MAP4K5: variants seen among roughly 807,000 people sequenced by gnomAD.
MAP4K5 encodes the protein MAPK/ERK kinase kinase kinase 5.
A neutral mutation model predicts 135.6 loss-of-function variants in MAP4K5; 82 were observed. The observed-to-expected ratio is 0.60, with a 90% CI of 0.51 to 0.73. The LOEUF is 0.73. Among genes scored for constraint, MAP4K5 ranks in the 30% least tolerant of loss-of-function variants. The pLI, the probability that MAP4K5 is intolerant of heterozygous loss-of-function variation, is 0.00. For synonymous variants in MAP4K5, 347 were observed against 335.0 expected (o/e 1.04, Z -0.39); for missense variants, 907 against 1,010.9 (o/e 0.90, Z 1.39).
intron 4 of MAP4K5, chr14:50,485,890 TAA>T: frequency 1.9e-6 from 1 of 533,528 alleles, no homozygotes; most frequent in East Asian, 3.2e-5. Context: ...TATGTTTCAT[TAA>T]AATTGCCAGA....
chr14:50,518,409 A>C (rs2038078292), intron 2 of MAP4K5, among the ~76,000 whole-genome samples: 1 of 152,070 alleles, frequency 6.6e-6, no homozygotes, highest in Non-Finnish European at 1.5e-5. Flanking sequence ...CCCACCACCA[A>C]CAAGCCCTAG....
upstream of MAP4K5, among the ~76,000 whole-genome samples, chr14:50,537,431 G>A (rs2038508469): frequency 6.6e-6 from 1 of 152,224 alleles, no homozygotes; most frequent in Non-Finnish European, 1.5e-5. Context: ...AGGGAAATGT[G>A]GGGTCAGAGC....
At chr14:50,548,361 A>C (rs1297239215) in intron 1 of MAP4K5, among the ~76,000 whole-genome samples, 4 of 152,146 alleles carry the variant, frequency 2.6e-5, no homozygotes, top group African/African-American at 9.7e-5. Context: ...TGAGAAAGCA[A>C]AAATATTGGT....
intron 1 of MAP4K5, among the ~76,000 whole-genome samples, chr14:50,551,312 C>T (rs2038699156): frequency 6.7e-6 from 1 of 150,150 alleles, no homozygotes; most frequent in South Asian, 2.1e-4. Flanking sequence ...GTACAACCCT[C>T]CTGATTAAAT....
At chr14:50,458,243 A>G (rs1292381069) in intron 13 of MAP4K5, among the ~76,000 whole-genome samples, 1 of 152,156 alleles carries the variant, frequency 6.6e-6, no homozygotes, top group Non-Finnish European at 1.5e-5. Flanking sequence ...CTAATGGAAG[A>G]GCAGTGTTGC....
chr14:50,437,045 G>A (rs1189745121), intron 26 of MAP4K5, among the ~76,000 whole-genome samples: 14 of 152,050 alleles, frequency 9.2e-5, no homozygotes, highest in African/African-American at 3.1e-4. Flanking sequence ...TTTTATTCTG[G>A]GGGTAGTTTT....
At chr14:50,468,574 T>C in intron 10 of MAP4K5, 77 bp downstream of exon 10, 1 of 1,404,152 alleles carries the variant, frequency 7.1e-7, no homozygotes, top group Non-Finnish European at 9.9e-7. Context: ...AAAAATGAGC[T>C]TGATGCTGAG....
Position 50,447,405 on chromosome 14 carries a change from A to T in MAP4K5, c.1142+9T>A, listed in dbSNP as rs1157024043. On this transcript the variant is annotated intron_variant, in intron 16 of 32. Coordinates refer to ENST00000682126, the MANE Select transcript of MAP4K5 (RefSeq NM_006575.6). ...TAAAATATAGTTATTAAATTAGAAA[A>T]CAACTTACTTGCCAGTATTTGCACC... is the stretch of plus-strand genomic sequence containing the variant. 13 of 1,517,584 alleles carry T rather than the reference A, an allele frequency of 8.6e-6. No individual in the cohort carries two copies. Among genetic ancestry groups the T allele is most frequent in the Non-Finnish European group, 1.2e-5 (13 of 1,122,638 alleles). The allele number at this position is 1,517,584 out of a possible 1,614,324, so 94.0% of individuals were successfully genotyped here.
At position 50,490,159 on chromosome 14, in the gene MAP4K5, G is replaced by GTGTGTGTA. The variant is rs71441284; in HGVS notation, c.167-3966_167-3965insTACACACA. On this transcript the variant is annotated intron_variant, in intron 3 of 32. Coordinates refer to ENST00000682126, the MANE Select transcript of MAP4K5 (RefSeq NM_006575.6). Reference sequence around the variant, plus strand: ...TGTGTGTGTGTGTGTGTGTGTGTGTGTAAGGGAACTCAGCCTGATACTCTT... The same window carrying GTGTGTGTA: ...TGTGTGTGTGTGTGTGTGTGTGTGTGTGTGTGTATAAGGGAACTCAGCCTGATACTCTT... Among the ~76,000 whole-genome samples the GTGTGTGTA allele has an allele frequency of 1.3e-3, 186 of 138,000 alleles. 2 individuals carry two copies. The highest frequency in any genetic ancestry group is 3.7e-3 in the East Asian group (17 of 4,534). 90.5% of individuals were successfully genotyped at this position (138,000 alleles called of 152,430 possible). A position where few individuals can be genotyped will look rare whatever the true frequency, so the allele number is the denominator to read the frequency against.
At chr14:50,523,318 A>C in intron 2 of MAP4K5, among the ~76,000 whole-genome samples, 1 of 152,178 alleles carries the variant, frequency 6.6e-6, no homozygotes, top group East Asian at 1.9e-4. Flanking sequence ...TCTCAAAAAA[A>C]AAAATCATAA....
chr14:50,472,073 T>C, intron 9 of MAP4K5: 1 of 150,978 alleles, frequency 6.6e-6, no homozygotes, highest in Non-Finnish European at 1.5e-5. Context: ...ACTTTATGAA[T>C]GTGAAAAATG....
chr14:50,466,381 C>CA (rs1194669006), intron 11 of MAP4K5, among the ~76,000 whole-genome samples: 15,753 of 53,328 alleles, frequency 0.3, 1,881 homozygotes, highest in South Asian at 0.36. Flanking sequence ...AATCCTGTCT[C>CA]AAAAAAAAAA....
intron 1 of MAP4K5, among the ~76,000 whole-genome samples, chr14:50,545,938 G>C (rs930657120): frequency 6.6e-6 from 1 of 152,162 alleles, no homozygotes; most frequent in Non-Finnish European, 1.5e-5. Flanking sequence ...TAGTTCATCA[G>C]ATCTTCTGAA....
intron 2 of MAP4K5, among the ~76,000 whole-genome samples, chr14:50,511,691 T>C (rs1032098428): frequency 2.0e-5 from 3 of 152,110 alleles, no homozygotes; most frequent in Middle Eastern, 3.2e-3. Context: ...TGTACAACTG[T>C]CAATTTTTTT....
intron 2 of MAP4K5, among the ~76,000 whole-genome samples, chr14:50,520,614 C>T (rs2038129320): frequency 6.6e-6 from 1 of 152,104 alleles, no homozygotes; most frequent in South Asian, 2.1e-4. Flanking sequence ...ATTCTATCTG[C>T]CTGAAATCAT....
rs1447827044 is a variant in MAP4K5, at chr14:50,437,519, T to C, written c.1839A>G (p.Thr613=). The C allele has an allele frequency of 6.2e-7, 1 of 1,601,546 alleles. No individual in the cohort carries two copies. The highest frequency in any genetic ancestry group is 1.3e-5 in the African/African-American group (1 of 74,494). ...DRILPRKFAL[T]TKIPDTKGCH... is the part of the protein sequence containing the mutation. ...AGCCTTTTGTATCAGGAATCTTTGT[T>C]GTTAAAGCGAATTTTCTGAAAACGT... The change falls in exon 26 of 33, where the codon ACA becomes ACG. Residue 613 remains threonine (T), a synonymous_variant. Coordinates refer to ENST00000682126, the MANE Select transcript of MAP4K5 (RefSeq NM_006575.6).
chr14:50,492,409 T>C (rs1057454607), intron 3 of MAP4K5, among the ~76,000 whole-genome samples: 5 of 151,748 alleles, frequency 3.3e-5, no homozygotes, highest in East Asian at 3.9e-4. Context: ...CTGGGCAACA[T>C]AGCAAGACTC....
chr14:50,509,262 T>A (rs1251913496), intron 2 of MAP4K5, among the ~76,000 whole-genome samples: 1 of 152,064 alleles, frequency 6.6e-6, no homozygotes, highest in Admixed American at 6.6e-5. Context: ...GGGATAGCAT[T>A]AGGAGAAATA....
intron 9 of MAP4K5, among the ~76,000 whole-genome samples, chr14:50,469,867 T>G (rs191123572): frequency 6.6e-5 from 10 of 152,310 alleles, no homozygotes; most frequent in African/African-American, 2.4e-4. Context: ...TTGAATTGAA[T>G]ATCCACAAGG....
Sources: gnomAD v4.1 joint callset for allele counts (sites outside exome capture counted in the v4.1 genomes callset) on GRCh38, gnomAD v4.1.1 for gene constraint, MANE v1.5 for transcripts, NCBI Gene and HGNC (gene_info 2026-07-23, HGNC 2026-07-21) for gene names.